Variants in RABGAP1 observed in about 807,000 individuals in gnomAD.
RABGAP1 encodes the protein rab GTPase-activating protein 1.
RABGAP1 carries 23 observed loss-of-function variants against 137.6 expected under a neutral mutation model. The ratio of observed to expected loss-of-function variants is 0.17; its 90% CI spans 0.12 to 0.24. RABGAP1 has a LOEUF of 0.24. Ranked by LOEUF, RABGAP1 falls within the 10% of genes least tolerant of loss-of-function variation. The pLI, the probability that RABGAP1 is intolerant of heterozygous loss-of-function variation, is 1.00. For synonymous variants in RABGAP1, 451 were observed against 450.7 expected, an observed-to-expected ratio of 1.00 and a Z score of -0.01; for missense variants, 906 against 1,275.8, an observed-to-expected ratio of 0.71 and a Z score of 4.42.
At chr9:122,958,693 T>TA (rs1834677987) in intron 2 of RABGAP1, among the ~76,000 whole-genome samples, 11 of 151,656 alleles carry the variant, frequency 7.3e-5, no homozygotes, top group South Asian at 2.1e-4. Flanking sequence ...AAGTATAATT[T>TA]TAAAAAAAAA....
chr9:123,076,579 T>A, intron 18 of RABGAP1, 55 bp from the exon 19 acceptor site: 4 of 1,535,808 alleles, frequency 2.6e-6, no homozygotes, highest in Non-Finnish European at 3.5e-6. Context: ...AAAAAACTTC[T>A]TGTGCATCCT....
intron 2 of RABGAP1, among the ~76,000 whole-genome samples, chr9:122,962,590 A>G (rs941713779): frequency 1.3e-5 from 2 of 152,110 alleles, no homozygotes; most frequent in African/African-American, 4.8e-5. Context: ...AAGTAAAAAT[A>G]TATGTGGAAA....
intron 1 of RABGAP1, among the ~76,000 whole-genome samples, chr9:122,943,311 C>T (rs910813699): frequency 6.6e-6 from 1 of 151,904 alleles, no homozygotes; most frequent in African/African-American, 2.4e-5. Context: ...TCAGGTGATC[C>T]ACCTGCCTCA....
intron 14 of RABGAP1, chr9:123,065,677 C>A (rs889397936): frequency 2.1e-6 from 1 of 475,792 alleles, no homozygotes; most frequent in Non-Finnish European, 3.8e-6. Context: ...CTTTCCCCTT[C>A]TAATCAGGAT....
chr9:123,065,843 G>C (rs2034152682), intron 14 of RABGAP1, among the ~76,000 whole-genome samples: 1 of 152,200 alleles, frequency 6.6e-6, no homozygotes, highest in South Asian at 2.1e-4. Flanking sequence ...AGTGGGAAGT[G>C]TCATTGCCCA....
intron 1 of RABGAP1, chr9:122,945,438 CAGTG>C (rs1386910747): frequency 4.6e-5 from 7 of 152,160 alleles, no homozygotes; most frequent in African/African-American, 1.4e-4. Context: ...CTGAGGTACT[CAGTG>C]AGAATTTTTT....
At chr9:123,100,713 C>G (rs2035320958) in intron 24 of RABGAP1, among the ~76,000 whole-genome samples, 1 of 152,158 alleles carries the variant, frequency 6.6e-6, no homozygotes, top group Non-Finnish European at 1.5e-5. Context: ...GCCACTGCGC[C>G]TGGCCAACCA....
chr9:123,034,517 G>A, intron 13 of RABGAP1: 1 of 1,187,928 alleles, frequency 8.4e-7, no homozygotes. Context: ...TTGAACTGTT[G>A]GCAGCAGCCA....
At position 122,986,192 on chromosome 9, in the gene RABGAP1, T is replaced by A. The variant is rs768963895; in HGVS notation, c.386-23T>A. On this transcript the variant is annotated intron_variant, in intron 3 of 25. Coordinates refer to ENST00000373647, the MANE Select transcript of RABGAP1 (RefSeq NM_012197.4). ...AAATATCAAAGTGAAAGTAATCACT[T>A]CCTTATTCATTGTTTCTTTCAGATT... 13 of 1,599,002 alleles carry A rather than the reference T, an allele frequency of 8.1e-6. No individual in the cohort carries two copies. In the East Asian group the frequency reaches 2.9e-4, roughly 36 times the overall value.
In RABGAP1 at chr9:123,082,803, T is replaced by C. The variant is rs139787826; in HGVS notation, c.2424+6041T>C. Among the ~76,000 whole-genome samples, 38 of 152,376 alleles carry C rather than the reference T, an allele frequency of 2.5e-4. 1 individual carries two copies. The East Asian group carries it at 7.1e-3, about 29-fold the overall frequency. ...AAATAGCAGTGTCTCCAAATTAATA[T>C]AATTCTTAACCATTTGCTATTTGGA... On this transcript the variant is annotated intron_variant, in intron 19 of 25. Coordinates refer to ENST00000373647, the MANE Select transcript of RABGAP1 (RefSeq NM_012197.4).
Position 123,097,751 on chromosome 9 carries a change from A to G in RABGAP1, c.2639A>G (p.Lys880Arg). 1 of 1,608,092 alleles carries G rather than the reference A, an allele frequency of 6.2e-7. No homozygotes were observed. The highest frequency in any genetic ancestry group is 8.5e-7 in the Non-Finnish European group (1 of 1,178,522). ...LRKDLDNAEE[K>R]ADALNKELLM... ...TCTTAAATGTTTCAGGCTGAGGAAA[A>G]GGCAGATGCTCTGAATAAGGAGCTG... is the stretch of plus-strand genomic sequence containing the variant. The change falls in exon 22 of 26, where the codon AAG becomes AGG. Residue 880 changes from lysine (K) to arginine (R), a missense_variant. Coordinates refer to ENST00000373647, the MANE Select transcript of RABGAP1 (RefSeq NM_012197.4).
chr9:122,960,983 T>C (rs981353797), intron 2 of RABGAP1, among the ~76,000 whole-genome samples: 7 of 151,126 alleles, frequency 4.6e-5, no homozygotes, highest in African/African-American at 1.2e-4. Flanking sequence ...TCAAAGAACA[T>C]GAAGAAAAAC....
chr9:122,942,212 G>C (rs1046633992), intron 1 of RABGAP1, among the ~76,000 whole-genome samples: 8 of 152,188 alleles, frequency 5.3e-5, no homozygotes, highest in Non-Finnish European at 1.5e-5. Context: ...GAATGGAATT[G>C]TGTTTGTAAC....
chr9:122,953,699 G>A (rs1239938032), intron 1 of RABGAP1, among the ~76,000 whole-genome samples: 2 of 152,110 alleles, frequency 1.3e-5, no homozygotes, highest in South Asian at 2.1e-4. Context: ...GCGCCCGCCC[G>A]GAACCAGTAT....
intron 13 of RABGAP1, chr9:123,020,796 A>G (rs533081234): frequency 3.9e-5 from 18 of 463,074 alleles, no homozygotes; most frequent in African/African-American, 3.8e-4. Context: ...CACATTTTAC[A>G]GAAATGTGCT....
chr9:123,033,931 T>C (rs988512685), intron 13 of RABGAP1, among the ~76,000 whole-genome samples: 4 of 152,074 alleles, frequency 2.6e-5, no homozygotes, highest in African/African-American at 9.7e-5. Context: ...TGAAAGGAAA[T>C]GGGGGTAAAT....
chr9:123,051,319 C>T (rs994025406), intron 13 of RABGAP1, among the ~76,000 whole-genome samples: 2 of 140,830 alleles, frequency 1.4e-5, no homozygotes, highest in African/African-American at 5.2e-5. Flanking sequence ...GCGATCTTGG[C>T]CCACTGCAAC....
chr9:123,092,560 C>CT (rs11396314), intron 21 of RABGAP1, among the ~76,000 whole-genome samples: 27,238 of 150,820 alleles, frequency 0.18, 4,647 homozygotes, highest in African/African-American at 0.45. Flanking sequence ...AATGCCCAGG[C>CT]TTTTTTTTTA....
At chr9:123,014,175 C>T (rs10121571) in intron 11 of RABGAP1, among the ~76,000 whole-genome samples, 16,585 of 152,176 alleles carry the variant, frequency 0.11, 2,922 homozygotes, top group African/African-American at 0.37. Flanking sequence ...AAGTAGATAT[C>T]TTAGTCCATG....
Sources: allele counts gnomAD v4.1 joint callset (sites outside exome capture counted in the v4.1 genomes callset), GRCh38; gene constraint gnomAD v4.1.1; transcripts MANE v1.5; gene names NCBI Gene and HGNC (gene_info 2026-07-23, HGNC 2026-07-21).